PEX11G: variants seen among roughly 807,000 people sequenced by gnomAD.
The protein encoded by PEX11G is peroxisomal biogenesis factor 11 gamma.
Under a neutral mutation model 22.5 loss-of-function variants are expected in PEX11G, and 20 were observed. That is an observed-to-expected ratio of 0.89 (90% CI 0.62 to 1.29). PEX11G has a LOEUF of 1.29. PEX11G is among the 50% of genes most tolerant of loss of function. The pLI is 0.00. For missense variants in PEX11G, 347 were observed against 331.3 expected (o/e 1.05, Z -0.37); for synonymous variants, 141 against 154.5 (o/e 0.91, Z 0.65).
intron 2 of PEX11G, among the ~76,000 whole-genome samples, chr19:7,483,974 C>T (rs1331354232): frequency 2.0e-5 from 3 of 150,408 alleles, no homozygotes; most frequent in Non-Finnish European, 3.0e-5. Context: ...TTGCCCTGTG[C>T]GTCAACCAGA....
At position 7,478,348 on chromosome 19, in the gene PEX11G, G is replaced by A; in HGVS notation, c.457C>T (p.Gln153Ter). The change falls in exon 4 of 5, where the codon CAG (glutamine) becomes TAG (stop). Residue 153 changes from glutamine to a stop codon, truncating the protein, a stop_gained. Transcript: ENST00000221480. LOFTEE classifies it low-confidence loss of function (END_TRUNC). ...GGCGCCGTGGGGCTCCGCAGCCTCT[G>A]TCTCAGTTTCAGCAGCATCCACAGG... ...RSLWMLLKLR[Q>*]RLRSPTAPFT... 1 of 1,611,352 alleles carries A rather than the reference G, an allele frequency of 6.2e-7. No individual in the cohort carries two copies.
chr19:7,491,782 G>A (rs2021895150), upstream of PEX11G, among the ~76,000 whole-genome samples: 1 of 152,066 alleles, frequency 6.6e-6, no homozygotes, highest in African/African-American at 2.4e-5. Flanking sequence ...CCTCCACATT[G>A]CCTGGGACTA....
Position 7,489,027 on chromosome 19 carries a change from C to A in PEX11G, c.-17G>T. On this transcript the variant is annotated 5_prime_UTR_variant, in exon 1 of 5. Transcript: ENST00000221480. Reference sequence around the variant, plus strand: ...CGACGCCATGGCAACTCCGTGACGTCACCGCGACGTCGGCGCGCCGCGCCA... The same window carrying A: ...CGACGCCATGGCAACTCCGTGACGTAACCGCGACGTCGGCGCGCCGCGCCA... 1 of 1,507,208 alleles carries A rather than the reference C, an allele frequency of 6.6e-7. No individual in the cohort carries two copies. Among genetic ancestry groups the A allele is most frequent in the South Asian group, 1.2e-5 (1 of 80,710 alleles). The allele number at this position is 1,507,208 out of a possible 1,614,324, so 93.4% of individuals were successfully genotyped here.
Position 7,477,439 on chromosome 19 carries a change from G to GT in PEX11G, c.492-4dup, listed in dbSNP as rs756549168. The GT allele has an allele frequency of 2.1e-5, 30 of 1,432,390 alleles. No homozygotes were observed. The Admixed American group carries it at 2.7e-4, about 13-fold the overall frequency. The allele number at this position is 1,432,390 out of a possible 1,614,324, so 88.7% of individuals were successfully genotyped here. A position where few individuals can be genotyped will look rare whatever the true frequency, so the allele number is the denominator to read the frequency against. ...TCCGCTTGCCCCGGGGCAGCGGGCT[G>GT]TGGGGCAGAGAGGGGCCGCTTACAC... On this transcript the variant is annotated splice_polypyrimidine_tract_variant and splice_region_variant and intron_variant, in intron 4 of 4. Coordinates refer to ENST00000221480, the MANE Select transcript of PEX11G (RefSeq NM_080662.4).
At chr19:7,485,814 C>T (rs777833524) in intron 2 of PEX11G, 24 bp downstream of exon 2, 1 of 1,577,018 alleles carries the variant, frequency 6.3e-7, no homozygotes, top group East Asian at 2.3e-5. Context: ...ACCCTACTCC[C>T]TAGAGCCCCA....
chr19:7,487,720 C>A (rs1260424563), intron 1 of PEX11G, among the ~76,000 whole-genome samples: 1 of 152,208 alleles, frequency 6.6e-6, no homozygotes, highest in Non-Finnish European at 1.5e-5. Flanking sequence ...CCACGCCTGG[C>A]CTCCCTTATA....
Position 7,477,309 on chromosome 19 carries a change from C to T in PEX11G, c.619G>A (p.Gly207Ser), listed in dbSNP as rs746218811. 4.5e-6 allele frequency: 7 copies of T among 1,563,698 alleles called. No individual in the cohort carries two copies. Among genetic ancestry groups the T allele is most frequent in the Admixed American group, 1.9e-5 (1 of 52,328 alleles). ...HWLPRGVLWA[G>S]RFPPWLVGLM... is the part of the protein sequence containing the mutation. ...CCCACTAGCCACGGCGGGAAGCGGC[C>T]GGCCCACAGCACGCCCCGGGGCAGC... is the stretch of plus-strand genomic sequence containing the variant. The change falls in exon 5 of 5, where the codon GGC becomes AGC. Residue 207 changes from glycine (G) to serine (S), a missense_variant. Physicochemically the swap from Gly to Ser is moderately conservative, Grantham distance 56 (BLOSUM62 0). Coordinates refer to ENST00000221480, the MANE Select transcript of PEX11G (RefSeq NM_080662.4).
rs1384679743 is a variant in PEX11G at position 7,488,942 on chromosome 19, C to T, written c.60+9G>A. The T allele has an allele frequency of 4.5e-6, 7 of 1,551,086 alleles. No homozygotes were observed. In the East Asian group the frequency reaches 1.5e-4, roughly 32 times the overall value. ...TAGGACCTCCGGCCCCGGTCCGCCC[C>T]TGCCTCACCAGGCGGTCCCGGCCCC... On this transcript the variant is annotated intron_variant, in intron 1 of 4. Transcript: ENST00000221480.
intron 2 of PEX11G, among the ~76,000 whole-genome samples, chr19:7,484,320 C>T (rs1291247897): frequency 6.6e-6 from 1 of 151,854 alleles, no homozygotes; most frequent in Non-Finnish European, 1.5e-5. Flanking sequence ...CGCCACTGTA[C>T]TCCAGGCTGA....
chr19:7,491,067 C>T (rs2021879750), upstream of PEX11G: 1 of 152,002 alleles, frequency 6.6e-6, no homozygotes. Flanking sequence ...CAGGCGTGAA[C>T]CACCGCACCC....
At chr19:7,491,143 A>G (rs2021881334), upstream of PEX11G, 1 of 151,704 alleles carries the variant, frequency 6.6e-6, no homozygotes, top group African/African-American at 2.4e-5. Context: ...AGGAAAAAGT[A>G]TGTTTCCTCC....
intron 3 of PEX11G, among the ~76,000 whole-genome samples, chr19:7,480,542 A>C (rs957102662): frequency 1.3e-5 from 2 of 148,600 alleles, no homozygotes; most frequent in African/African-American, 2.4e-5. Context: ...TATTAGGTCA[A>C]AGGCTGGAAA....
Position 7,485,716 on chromosome 19 carries a change from G to A in PEX11G, c.249+122C>T, listed in dbSNP as rs560983650. On this transcript the variant is annotated intron_variant, in intron 2 of 4. Coordinates refer to ENST00000221480, the MANE Select transcript of PEX11G (RefSeq NM_080662.4). ...GAACTCCTGACCTCATGATCCGCCA[G>A]CCTTGGCCTCACAAAGTGCTGGGAT... 4,172 of 892,528 alleles carry A rather than the reference G, an allele frequency of 4.7e-3. 116 individuals carry two copies. The African/African-American group carries it at 0.064, about 14-fold the overall frequency. The allele number at this position is 892,528 out of a possible 1,614,324, so 55.3% of individuals were successfully genotyped here.
intron 3 of PEX11G, among the ~76,000 whole-genome samples, chr19:7,481,713 G>A (rs577009999): frequency 7.9e-5 from 12 of 152,136 alleles, no homozygotes; most frequent in Non-Finnish European, 1.2e-4. Flanking sequence ...CCAAGGAAAC[G>A]GACCTCCCCC....
intron 2 of PEX11G, among the ~76,000 whole-genome samples, chr19:7,484,495 G>T (rs138491983): frequency 0.011 from 1,619 of 151,328 alleles, 34 homozygotes; most frequent in African/African-American, 0.037. Flanking sequence ...CCACAGGGCC[G>T]GGCACGGTGG....
chr19:7,479,432 C>A (rs1977388786), intron 3 of PEX11G, among the ~76,000 whole-genome samples: 1 of 152,144 alleles, frequency 6.6e-6, no homozygotes. Flanking sequence ...TGCAGTAAGC[C>A]AAGATCGCAC....
intron 3 of PEX11G, among the ~76,000 whole-genome samples, chr19:7,479,613 C>T (rs921210449): frequency 6.6e-6 from 1 of 152,244 alleles, no homozygotes; most frequent in African/African-American, 2.4e-5. Context: ...GGAATGCTCT[C>T]CACCCACTCC....
intron 3 of PEX11G, among the ~76,000 whole-genome samples, chr19:7,481,047 C>T (rs1345943188): frequency 6.6e-6 from 1 of 152,092 alleles, no homozygotes; most frequent in Non-Finnish European, 1.5e-5. Context: ...GGGTAAAGGC[C>T]ACTCCGCTGG....
chr19:7,488,961 C>CG lies in PEX11G; in HGVS notation c.49dup (p.Arg17ProfsTer21). ...CCGCCCCTGCCTCACCAGGCGGTCC[C>CG]GGCCCCTGTACGACTCCAGCGCCGA... On this transcript the variant is annotated frameshift_variant, in exon 1 of 5. Transcript: ENST00000221480. LOFTEE classifies it high-confidence loss of function. 1 of 1,555,046 alleles carries CG rather than the reference C, an allele frequency of 6.4e-7. No individual in the cohort carries two copies. Among genetic ancestry groups the CG allele is most frequent in the South Asian group, 1.2e-5 (1 of 84,482 alleles).
Sources: allele counts gnomAD v4.1 joint callset (sites outside exome capture counted in the v4.1 genomes callset), GRCh38; gene constraint gnomAD v4.1.1; transcripts MANE v1.5; gene names NCBI Gene and HGNC (gene_info 2026-07-23, HGNC 2026-07-21).